Variants in RAB11FIP1 observed in about 807,000 individuals in gnomAD.
RAB11FIP1 encodes rab11 family-interacting protein 1.
A neutral mutation model predicts 83.1 loss-of-function variants in RAB11FIP1; 49 were observed. The observed-to-expected ratio is 0.59, with a 90% confidence interval of 0.47 to 0.75. The LOEUF is 0.75. Among genes scored for constraint, RAB11FIP1 ranks in the 30% least tolerant of loss-of-function variants. The probability of loss-of-function intolerance (pLI) is 0.00; values close to 1 mark genes in which losing one functional copy is unlikely to be tolerated. For missense variants in RAB11FIP1, 1,536 were observed against 1,598.7 expected (o/e 0.96, Z 0.67); for synonymous variants, 670 against 656.0 (o/e 1.02, Z -0.33).
In RAB11FIP1 at chr8:37,872,453, G is replaced by A. The variant is rs1174562242; in HGVS notation, c.2349C>T (p.Ser783=). The change falls in exon 4 of 6, where the codon TCC becomes TCT. Residue 783 remains serine (S), a synonymous_variant. Coordinates refer to ENST00000330843, the MANE Select transcript of RAB11FIP1 (RefSeq NM_001002814.3). The part of the protein sequence containing the change: ...PPLPMGASVP[S]IDSMMRKLEE... ...CCAGCTTCCGCATCATGGAATCAATGGAAGGGACTGATGCTCCCATGGGAA... is the reference window on the plus strand; with the variant it reads ...CCAGCTTCCGCATCATGGAATCAATAGAAGGGACTGATGCTCCCATGGGAA... 6.2e-7 allele frequency: 1 copy of A among 1,614,094 alleles called. No individual in the cohort carries two copies. The highest frequency in any genetic ancestry group is 8.5e-7 in the Non-Finnish European group (1 of 1,180,020).
intron 1 of RAB11FIP1, among the ~76,000 whole-genome samples, chr8:37,879,357 T>C (rs548403426): frequency 2.6e-4 from 40 of 151,894 alleles, no homozygotes; most frequent in African/African-American, 9.2e-4. Flanking sequence ...AGTTAGAAAA[T>C]GACAAACACT....
rs146553496 is a variant in RAB11FIP1, at chr8:37,870,478, C to T, written c.3575G>A (p.Cys1192Tyr). The T allele has an allele frequency of 3.1e-6, 5 of 1,611,386 alleles. No individual in the cohort carries two copies. In the African/African-American group the frequency reaches 6.7e-5, roughly 22 times the overall value. The change falls in exon 5 of 6, where the codon TGC (cysteine) becomes TAC (tyrosine). Residue 1192 changes from cysteine (C) to tyrosine (Y), a missense_variant. By Grantham distance (194) the Cys-to-Tyr change is radical. Coordinates refer to ENST00000330843, the MANE Select transcript of RAB11FIP1 (RefSeq NM_001002814.3). ...GATGATGGTGGCAGTTCCCAAGCTG[C>T]AGTTAGCAACCTTGGTGGCCATTGC... ...MNAMATKVAN[C>Y]SLGTATIISE...
intron 1 of RAB11FIP1, among the ~76,000 whole-genome samples, chr8:37,883,880 A>G (rs1471528148): frequency 4.6e-5 from 7 of 152,212 alleles, no homozygotes; most frequent in African/African-American, 1.7e-4. Flanking sequence ...CATAATCCCA[A>G]TGTAGCAAGT....
At chr8:37,898,132 C>A (rs1223578683) in intron 1 of RAB11FIP1, among the ~76,000 whole-genome samples, 1 of 152,230 alleles carries the variant, frequency 6.6e-6, no homozygotes, top group African/African-American at 2.4e-5. Flanking sequence ...AAGAAGAAGG[C>A]ACCTGCCCAC....
chr8:37,866,279 G>A (rs1487344701), intron 5 of RAB11FIP1, among the ~76,000 whole-genome samples: 1 of 151,602 alleles, frequency 6.6e-6, no homozygotes, highest in African/African-American at 2.4e-5. Context: ...AGGTTGCAGT[G>A]AGCCAAGATC....
chr8:37,860,311 A>G lies in RAB11FIP1; in HGVS notation c.*2584T>C, dbSNP rs1157859562. On this transcript the variant is annotated 3_prime_UTR_variant, in exon 6 of 6. Transcript: ENST00000330843. ...AATACATTTATATCAAGTAAAAAAC[A>G]TAATGCAGGACAAATATATACATGT... 1 of 152,606 alleles carries G rather than the reference A, an allele frequency of 6.6e-6. No homozygotes were observed. Among genetic ancestry groups the G allele is most frequent in the African/African-American group, 2.4e-5 (1 of 41,472 alleles). 9.5% of individuals were successfully genotyped at this position (152,606 alleles called of 1,614,324 possible).
At position 37,862,788 on chromosome 8, in the gene RAB11FIP1, G is replaced by A; in HGVS notation, c.*107C>T. On this transcript the variant is annotated 3_prime_UTR_variant, in exon 6 of 6. Transcript: ENST00000330843. ...TTGCCGGATAACATGTGAGGGAGAT[G>A]GTGATTCGGAGCCTGCTGGCTGGTT... 4 of 781,280 alleles carry A rather than the reference G, an allele frequency of 5.1e-6. No homozygotes were observed. Among genetic ancestry groups the A allele is most frequent in the East Asian group, 2.5e-5 (1 of 40,646 alleles). The allele number at this position is 781,280 out of a possible 1,614,324, so 48.4% of individuals were successfully genotyped here.
chr8:37,897,730 C>T (rs1013025426), intron 1 of RAB11FIP1, among the ~76,000 whole-genome samples: 2 of 152,040 alleles, frequency 1.3e-5, no homozygotes, highest in East Asian at 1.9e-4. Context: ...CCGTCAAGGG[C>T]CCACCCGGGC....
rs1443881206 is a variant in RAB11FIP1, at chr8:37,872,627, T to G, written c.2175A>C (p.Glu725Asp). Residue 725 changes from glutamate to aspartate, a missense_variant, in exon 4 of 6, where the codon GAA (glutamate) becomes GAC (aspartate). Coordinates refer to ENST00000330843, the MANE Select transcript of RAB11FIP1 (RefSeq NM_001002814.3). ...DYSPSSGEAQ[E>D]VPFALSLSSD... Reference sequence around the variant, plus strand: ...TGCTGAGTGAAAGGGCAAACGGTACTTCCTGGGCTTCTCCAGATGATGGGC... The same window carrying G: ...TGCTGAGTGAAAGGGCAAACGGTACGTCCTGGGCTTCTCCAGATGATGGGC... 1 of 1,614,196 alleles carries G rather than the reference T, an allele frequency of 6.2e-7. No homozygotes were observed. The highest frequency in any genetic ancestry group is 2.2e-5 in the East Asian group (1 of 44,884).
intron 1 of RAB11FIP1, among the ~76,000 whole-genome samples, chr8:37,882,856 C>T (rs564290868): frequency 6.6e-6 from 1 of 152,158 alleles, no homozygotes; most frequent in African/African-American, 2.4e-5. Context: ...AATCCTCCCT[C>T]GGGACCAATT....
At chr8:37,896,302 G>A (rs374409566) in intron 1 of RAB11FIP1, among the ~76,000 whole-genome samples, 3 of 149,364 alleles carry the variant, frequency 2.0e-5, no homozygotes, top group African/African-American at 7.4e-5. Context: ...AGAGTGAGAC[G>A]CCATCTCAAA....
chr8:37,880,780 A>AAT (rs1470541615), intron 1 of RAB11FIP1, among the ~76,000 whole-genome samples: 11 of 151,940 alleles, frequency 7.2e-5, no homozygotes, highest in African/African-American at 2.4e-4. Context: ...AAAAAAAAAA[A>AAT]AAAAATGTGA....
intron 4 of RAB11FIP1, 80 bp downstream of exon 4, chr8:37,871,198 A>AGAAAGCC: frequency 6.6e-7 from 1 of 1,507,726 alleles, no homozygotes; most frequent in Non-Finnish European, 8.8e-7. Flanking sequence ...CTGTGTGGTT[A>AGAAAGCC]GAAAGCCGTA....
chr8:37,874,632 A>G lies in RAB11FIP1; in HGVS notation c.1505T>C (p.Leu502Pro), dbSNP rs535567836. 7.4e-6 allele frequency: 12 copies of G among 1,614,218 alleles called. No individual in the cohort carries two copies. In the Admixed American group the frequency reaches 1.5e-4, roughly 20 times the overall value. The change falls in exon 3 of 6, where the codon CTG (leucine) becomes CCG (proline). Residue 502 changes from leucine to proline, a missense_variant. Coordinates refer to ENST00000330843, the MANE Select transcript of RAB11FIP1 (RefSeq NM_001002814.3). ...GATCTGCACATCTTCAAAGAGGTTC[A>G]GGGAGCTGCCCTGTCTGGAGACAAC... is the stretch of plus-strand genomic sequence containing the variant. ...AAVVSRQGSS[L>P]NLFEDVQITE...
chr8:37,874,495 C>T lies in RAB11FIP1; in HGVS notation c.1622+20G>A, dbSNP rs141753048. The T allele has an allele frequency of 1.3e-5, 21 of 1,604,612 alleles. No individual in the cohort carries two copies. Among genetic ancestry groups the T allele is most frequent in the African/African-American group, 2.7e-5 (2 of 74,592 alleles). On this transcript the variant is annotated intron_variant, in intron 3 of 5. Transcript: ENST00000330843. The stretch of plus-strand genomic sequence containing the variant: ...AATGGCAAGGCAGAAATGCCCTGCA[C>T]GAGAAGAGCCAAAACTCACCGGGGC...
At position 37,899,036 on chromosome 8, in the gene RAB11FIP1, C is replaced by G; in HGVS notation, c.371+35G>C. 1 of 1,436,278 alleles carries G rather than the reference C, an allele frequency of 7.0e-7. No individual in the cohort carries two copies. 89.0% of individuals were successfully genotyped at this position (1,436,278 alleles called of 1,614,324 possible). ...CGCCCTGCCGGAGGGGTCCGCGCCC[C>G]CAGGCCGGGCCCTCCCCTCCCCGCC... On this transcript the variant is annotated intron_variant, in intron 1 of 5. Coordinates refer to ENST00000330843, the MANE Select transcript of RAB11FIP1 (RefSeq NM_001002814.3). The surrounding 1 kb of genome is among the most constrained non-coding windows in gnomAD (Gnocchi z 4.5).
intron 5 of RAB11FIP1, among the ~76,000 whole-genome samples, chr8:37,864,078 C>G (rs1806295116): frequency 6.6e-6 from 1 of 152,260 alleles, no homozygotes; most frequent in Non-Finnish European, 1.5e-5. Flanking sequence ...CTTCACATCA[C>G]TTCATACTCG....
rs183793472 is a variant in RAB11FIP1 at position 37,868,400 on chromosome 8, C to T, written c.3633+2020G>A. On this transcript the variant is annotated intron_variant, in intron 5 of 5. Transcript: ENST00000330843. ...TGGCGCCATTGCACTCCATCCTAGG[C>T]GATAAGAGCAAAACTCCATCTCAAA... Among the ~76,000 whole-genome samples, 137 of 137,846 alleles carry T rather than the reference C, an allele frequency of 9.9e-4. 1 individual carries two copies. Among genetic ancestry groups the T allele is most frequent in the Non-Finnish European group, 1.8e-3 (117 of 65,720 alleles). The allele number at this position is 137,846 out of a possible 152,430, so 90.4% of individuals were successfully genotyped here.
At chr8:37,890,777 A>G (rs1466991029) in intron 1 of RAB11FIP1, among the ~76,000 whole-genome samples, 1 of 151,894 alleles carries the variant, frequency 6.6e-6, no homozygotes, top group East Asian at 1.9e-4. Flanking sequence ...TTCTGCCAAA[A>G]AAAAAAAAAA....
Sources: gnomAD v4.1 joint callset for allele counts (sites outside exome capture counted in the v4.1 genomes callset) on GRCh38, gnomAD v4.1.1 for gene constraint, Gnocchi (gnomAD v3.1) non-coding constraint, MANE v1.5 for transcripts, NCBI Gene and HGNC (gene_info 2026-07-23, HGNC 2026-07-21) for gene names.